Variants in YIPF4 observed in about 807,000 individuals in gnomAD.
YIPF4 encodes the protein protein YIPF4.
Under a neutral mutation model 29.4 loss-of-function variants are expected in YIPF4, and 18 were observed. That is an observed-to-expected ratio of 0.61 (90% confidence interval 0.42 to 0.91). The LOEUF is 0.91. Among genes scored for constraint, YIPF4 ranks in the 40% least tolerant of loss-of-function variants. The probability of loss-of-function intolerance (pLI) is 0.00; values close to 1 mark genes in which losing one functional copy is unlikely to be tolerated. For missense variants in YIPF4, 279 were observed against 282.7 expected (o/e 0.99, Z 0.09); for synonymous variants, 115 against 104.7 (o/e 1.10, Z -0.60).
At position 32,277,925 on chromosome 2, in the gene YIPF4, G is replaced by A. The variant is rs948373782; in HGVS notation, c.-231G>A. 17 of 524,158 alleles carry A rather than the reference G, an allele frequency of 3.2e-5. No individual in the cohort carries two copies. The African/African-American group carries it at 3.5e-4, about 11-fold the overall frequency. 32.5% of individuals were successfully genotyped at this position (524,158 alleles called of 1,614,324 possible). A position where few individuals can be genotyped will look rare whatever the true frequency, so the allele number is the denominator to read the frequency against. On this transcript the variant is annotated 5_prime_UTR_variant, in exon 1 of 6. Transcript: ENST00000238831. ...CGCTGTCACTGTTATGGTCCTGTCA[G>A]GGTGCCGGCGTCGTGGTGCTTGGGT...
chr2:32,297,199 A>ACCGCAACCTCTGCCTCC (rs1013031639), intron 3 of YIPF4, among the ~76,000 whole-genome samples: 3 of 151,278 alleles, frequency 2.0e-5, no homozygotes, highest in African/African-American at 7.3e-5. Context: ...ATCTTGGCTC[A>ACCGCAACCTCTGCCTCC]CCGCAACCTC....
At position 32,296,819 on chromosome 2, in the gene YIPF4, G is replaced by A. The variant is rs150022474; in HGVS notation, c.406-1415G>A. Among the ~76,000 whole-genome samples the A allele has an allele frequency of 3.6e-3, 545 of 152,246 alleles. 6 individuals carry two copies. Among genetic ancestry groups the A allele is most frequent in the African/African-American group, 0.013 (531 of 41,548 alleles). On this transcript the variant is annotated intron_variant, in intron 3 of 5. Transcript: ENST00000238831. ...ATATCCTGTTTCTCATCTAACTTTA[G>A]CCTACTAATTTTAGCATCCATTGGT...
rs924491543 is a variant in YIPF4 at position 32,280,938 on chromosome 2, C to G, written c.79+2704C>G. On this transcript the variant is annotated intron_variant, in intron 1 of 5. Transcript: ENST00000238831. ...TGTCAGAACATGATGTTTGTTCAAA[C>G]TCATGTTTCCATGTATTTGTTTATT... Among the ~76,000 whole-genome samples, 69 of 152,312 alleles carry G rather than the reference C, an allele frequency of 4.5e-4. 1 individual carries two copies. Among genetic ancestry groups the G allele is most frequent in the African/African-American group, 7.2e-5 (3 of 41,572 alleles).
chr2:32,278,716 G>GA (rs2148955469), intron 1 of YIPF4, among the ~76,000 whole-genome samples: 1 of 152,226 alleles, frequency 6.6e-6, no homozygotes, highest in African/African-American at 2.4e-5. Flanking sequence ...GGTTTTTATT[G>GA]AATTTGATGT....
At chr2:32,286,835 A>G (rs1376223554) in intron 1 of YIPF4, among the ~76,000 whole-genome samples, 1 of 152,204 alleles carries the variant, frequency 6.6e-6, no homozygotes, top group Admixed American at 6.5e-5. Flanking sequence ...CCCTGCTGAA[A>G]AAAACATTTT....
At chr2:32,285,804 C>T (rs900093798) in intron 1 of YIPF4, among the ~76,000 whole-genome samples, 1 of 151,880 alleles carries the variant, frequency 6.6e-6, no homozygotes, top group Non-Finnish European at 1.5e-5. Flanking sequence ...TACAGGTGCT[C>T]GCCACCGCAC....
At chr2:32,293,886 G>T (rs1173833505) in intron 3 of YIPF4, among the ~76,000 whole-genome samples, 1 of 134,670 alleles carries the variant, frequency 7.4e-6, no homozygotes, top group African/African-American at 2.8e-5. Context: ...CTGGCCGGGC[G>T]GGGGGCTGAC....
chr2:32,316,413 C>G lies in YIPF4; in HGVS notation c.*10787C>G, dbSNP rs2031835857. ...TTAACAACGTTGGCCTCTCGGATTCCCAAAACTTTAAAAGATTAATAATAT... is the reference window on the plus strand; with the variant it reads ...TTAACAACGTTGGCCTCTCGGATTCGCAAAACTTTAAAAGATTAATAATAT... On this transcript the variant is annotated 3_prime_UTR_variant, in exon 6 of 6. Coordinates refer to ENST00000238831, the MANE Select transcript of YIPF4 (RefSeq NM_032312.4). 6.6e-6 allele frequency: 1 copy of G among 152,008 alleles called. No homozygotes were observed. The highest frequency in any genetic ancestry group is 1.5e-5 in the Non-Finnish European group (1 of 68,006). The allele number at this position is 152,008 out of a possible 1,614,324, so 9.4% of individuals were successfully genotyped here.
At chr2:32,291,968 G>A (rs1057290784) in intron 2 of YIPF4, among the ~76,000 whole-genome samples, 1 of 152,216 alleles carries the variant, frequency 6.6e-6, no homozygotes, top group African/African-American at 2.4e-5. Context: ...TAAGACTCCA[G>A]TGATAGAGAT....
chr2:32,287,430 C>G (rs1038188387), intron 1 of YIPF4, among the ~76,000 whole-genome samples: 2 of 152,082 alleles, frequency 1.3e-5, no homozygotes, highest in African/African-American at 2.4e-5. Context: ...TGTCCTTGCT[C>G]TTGTTGCTTA....
rs2031601874 is a variant in YIPF4, at chr2:32,307,012, G to T, written c.*1386G>T. 2 of 868,296 alleles carry T rather than the reference G, an allele frequency of 2.3e-6. No homozygotes were observed. Among genetic ancestry groups the T allele is most frequent in the Non-Finnish European group, 3.1e-6 (2 of 635,916 alleles). 53.8% of individuals were successfully genotyped at this position (868,296 alleles called of 1,614,324 possible). A position where few individuals can be genotyped will look rare whatever the true frequency, so the allele number is the denominator to read the frequency against. On this transcript the variant is annotated 3_prime_UTR_variant, in exon 6 of 6. Coordinates refer to ENST00000238831, the MANE Select transcript of YIPF4 (RefSeq NM_032312.4). ...TCCCCTAATCCCAAAAGGAAAGAAA[G>T]AAAAACTTATTTTAAGCTGCAGAAA...
intron 1 of YIPF4, among the ~76,000 whole-genome samples, chr2:32,282,312 T>C (rs184396509): frequency 6.6e-6 from 1 of 152,330 alleles, no homozygotes; most frequent in East Asian, 1.9e-4. Flanking sequence ...CAAGTTTCTT[T>C]CTACTGTCTC....
At chr2:32,282,473 C>G (rs902954286) in intron 1 of YIPF4, among the ~76,000 whole-genome samples, 1 of 152,162 alleles carries the variant, frequency 6.6e-6, no homozygotes, top group Non-Finnish European at 1.5e-5. Context: ...CGCCCTGTCG[C>G]CCAGGCTGGA....
intron 3 of YIPF4, among the ~76,000 whole-genome samples, chr2:32,293,935 C>T (rs1305756735): frequency 2.6e-4 from 36 of 140,662 alleles, no homozygotes; most frequent in African/African-American, 8.2e-4. Context: ...GCTGGCCGGG[C>T]GGGGGGCTGA....
rs191756212 is a variant in YIPF4, at chr2:32,309,185, G to T, written c.*3559G>T. ...TATGTAATAATGTGTCCATTTCCAG[G>T]AATTCCCCAAATACTCATACAGCCA... On this transcript the variant is annotated 3_prime_UTR_variant, in exon 6 of 6. Coordinates refer to ENST00000238831, the MANE Select transcript of YIPF4 (RefSeq NM_032312.4). 2 of 152,098 alleles carry T rather than the reference G, an allele frequency of 1.3e-5. No homozygotes were observed. The highest frequency in any genetic ancestry group is 3.9e-4 in the East Asian group (2 of 5,190). The allele number at this position is 152,098 out of a possible 1,614,324, so 9.4% of individuals were successfully genotyped here.
intron 1 of YIPF4, among the ~76,000 whole-genome samples, chr2:32,280,184 G>A (rs1345788781): frequency 6.6e-6 from 1 of 151,670 alleles, no homozygotes; most frequent in African/African-American, 2.4e-5. Flanking sequence ...CTGGAGTGCA[G>A]TGGTGCAGTC....
chr2:32,280,520 A>T (rs1020090284), intron 1 of YIPF4, among the ~76,000 whole-genome samples: 29 of 150,596 alleles, frequency 1.9e-4, no homozygotes, highest in Non-Finnish European at 3.7e-4. Context: ...CTAGGACTAC[A>T]GGCGCCCGGC....
At chr2:32,288,813 A>G (rs1169345177) in intron 1 of YIPF4, among the ~76,000 whole-genome samples, 1 of 151,940 alleles carries the variant, frequency 6.6e-6, no homozygotes. Context: ...TAAATAAATA[A>G]ATAAAAATTA....
chr2:32,290,329 G>A (rs458628), intron 1 of YIPF4, among the ~76,000 whole-genome samples, 154 bp from the exon 2 acceptor site: 96,453 of 152,034 alleles, frequency 0.63, 31,213 homozygotes, highest in African/African-American at 0.71. Context: ...GTTTTTAGAT[G>A]TCTGTCAACT....
Sources: allele counts gnomAD v4.1 joint callset (sites outside exome capture counted in the v4.1 genomes callset), GRCh38; gene constraint gnomAD v4.1.1; transcripts MANE v1.5; gene names NCBI Gene and HGNC (gene_info 2026-07-23, HGNC 2026-07-21).